The following AZIN2 variants were observed in gnomAD, a reference collection of about 807,000 sequenced individuals.
AZIN2 encodes the protein antizyme inhibitor 2.
Under a neutral mutation model 47.8 loss-of-function variants are expected in AZIN2, and 28 were observed. The ratio of observed to expected loss-of-function variants is 0.59; its 90% CI spans 0.43 to 0.80. The LOEUF is 0.80. Ranked by LOEUF, AZIN2 falls within the 30% of genes least tolerant of loss-of-function variation. The pLI is 0.00. For synonymous variants in AZIN2, 221 were observed against 239.4 expected, an observed-to-expected ratio of 0.92 and a Z score of 0.71; for missense variants, 535 against 582.5, an observed-to-expected ratio of 0.92 and a Z score of 0.84.
At chr1:33,099,946 C>T (rs1016227164) in intron 10 of AZIN2, among the ~76,000 whole-genome samples, 2 of 152,154 alleles carry the variant, frequency 1.3e-5, no homozygotes, top group South Asian at 2.1e-4. Flanking sequence ...AAGAAGGTCC[C>T]CTTACAAGTA....
At chr1:33,087,899 G>T (rs1017505922) in intron 5 of AZIN2, among the ~76,000 whole-genome samples, 1 of 152,118 alleles carries the variant, frequency 6.6e-6, no homozygotes, top group African/African-American at 2.4e-5. Context: ...CACATGTCTC[G>T]CTGTGAGACG....
rs533236928 is a variant in AZIN2 at position 33,093,294 on chromosome 1, C to T, written c.465C>T (p.Cys155=). Residue 155 remains cysteine (C), a synonymous_variant, in exon 7 of 12, where the codon TGC becomes TGT. Coordinates refer to ENST00000294517, the MANE Select transcript of AZIN2 (RefSeq NM_052998.4). ...KSHPSAKMVL[C]IATDDSHSLS... ...CGTGTCTCATCAGGATGGTTCTGTG[C>T]ATTGCTACCGATGACTCCCACTCCC... 30 of 1,613,996 alleles carry T rather than the reference C, an allele frequency of 1.9e-5. 1 individual carries two copies. In the East Asian group the frequency reaches 6.5e-4, roughly 35 times the overall value.
At chr1:33,082,536 C>G in intron 4 of AZIN2, 182 bp downstream of exon 4, 1 of 531,346 alleles carries the variant, frequency 1.9e-6, no homozygotes, top group South Asian at 2.3e-5. Context: ...ACCTGCCCCT[C>G]CTATGTTGCC....
the AZIN2 span, chr1:33,159,757 A>G: frequency 6.2e-7 from 1 of 1,613,512 alleles, no homozygotes. This position sits in a 1 kb window ranked among gnomAD's most constrained non-coding sequence, Gnocchi z 4.2. Context: ...CTCCTGCAGG[A>G]TCTGGGCTCC....
the AZIN2 span, chr1:33,147,322 A>T: frequency 6.2e-7 from 1 of 1,614,106 alleles, no homozygotes; most frequent in Admixed American, 1.7e-5. The surrounding 1 kb of genome is among the most constrained non-coding windows in gnomAD (Gnocchi z 8.1). Context: ...ATTGTAGAAG[A>T]TGAGCAAGCC....
chr1:33,126,185 G>A (rs111389878), downstream of AZIN2, among the ~76,000 whole-genome samples: 628 of 152,294 alleles, frequency 4.1e-3, 10 homozygotes, highest in African/African-American at 0.015. Context: ...CTAGAATACT[G>A]TCCTTCATGT....
chr1:33,165,427 C>T, the AZIN2 span: 1 of 1,523,386 alleles, frequency 6.6e-7, no homozygotes, highest in East Asian at 2.5e-5. This position sits in a 1 kb window ranked among gnomAD's most constrained non-coding sequence, Gnocchi z 4.0. Context: ...GAAGCCCTGC[C>T]CTCATCTCTG....
At chr1:33,096,344 G>T (rs370039575) in intron 8 of AZIN2, among the ~76,000 whole-genome samples, 4 of 152,126 alleles carry the variant, frequency 2.6e-5, no homozygotes, top group African/African-American at 9.7e-5. Context: ...GGACCCACAC[G>T]GTTCAAACCT....
At chr1:33,136,229 TTC>T in the AZIN2 span, among the ~76,000 whole-genome samples, 4 of 150,372 alleles carry the variant, frequency 2.7e-5, no homozygotes, top group African/African-American at 7.3e-5. Flanking sequence ...CCTCCTTTCT[TTC>T]TCTTTCTTTT....
downstream of AZIN2, among the ~76,000 whole-genome samples, chr1:33,126,736 T>G (rs1430015506): frequency 1.3e-5 from 2 of 152,172 alleles, no homozygotes; most frequent in Non-Finnish European, 2.9e-5. Context: ...CTTTCTGTTT[T>G]TCCACTCAGT....
At chr1:33,118,248 G>A (rs1414119924) in intron 11 of AZIN2, 132 bp downstream of exon 11, 26 of 1,038,072 alleles carry the variant, frequency 2.5e-5, no homozygotes, top group Non-Finnish European at 3.2e-5. Flanking sequence ...TCCCACGTGA[G>A]GGATGTGCTT....
the AZIN2 span, among the ~76,000 whole-genome samples, chr1:33,143,402 G>C: frequency 6.6e-5 from 10 of 152,314 alleles, no homozygotes; most frequent in Middle Eastern, 3.4e-3. Flanking sequence ...GATCCACTGA[G>C]CCAAAATGAG....
chr1:33,132,051 G>T, the AZIN2 span, among the ~76,000 whole-genome samples: 1 of 152,198 alleles, frequency 6.6e-6, no homozygotes, highest in Admixed American at 6.5e-5. Context: ...AATGTGACCG[G>T]GCTCCATTTT....
chr1:33,163,686 C>CGCCAGG, the AZIN2 span: 1 of 152,360 alleles, frequency 6.6e-6, no homozygotes, highest in Non-Finnish European at 1.5e-5. Context: ...TGCATCACCC[C>CGCCAGG]GCCAGGGCGC....
intron 9 of AZIN2, among the ~76,000 whole-genome samples, chr1:33,097,457 C>T (rs1413110410): frequency 1.3e-5 from 2 of 152,138 alleles, no homozygotes; most frequent in Non-Finnish European, 2.9e-5. Context: ...CTCTTCCCTC[C>T]CCTTCCAGAT....
At chr1:33,165,190 A>G in the AZIN2 span, 65 of 331,518 alleles carry the variant, frequency 2.0e-4, no homozygotes, top group African/African-American at 1.1e-3. The surrounding 1 kb of genome is among the most constrained non-coding windows in gnomAD (Gnocchi z 4.0). Context: ...ACCCGCCTCA[A>G]CTTCCACCCA....
At position 33,121,762 on chromosome 1, in the gene AZIN2, T is replaced by A. The variant is rs1644799823; in HGVS notation, c.*1580T>A. Among the ~76,000 whole-genome samples, 1 of 152,192 alleles carries A rather than the reference T, an allele frequency of 6.6e-6. No homozygotes were observed. Among genetic ancestry groups the A allele is most frequent in the South Asian group, 2.1e-4 (1 of 4,832 alleles). On this transcript the variant is annotated 3_prime_UTR_variant, in exon 12 of 12. Transcript: ENST00000294517. ...CTATGGATTTGCTTATTCTGGACAT[T>A]GTATTGTGATGGATTTTCTATCTTC...
intron 5 of AZIN2, among the ~76,000 whole-genome samples, chr1:33,090,392 C>T (rs1348922642): frequency 6.6e-6 from 1 of 152,094 alleles, no homozygotes; most frequent in African/African-American, 2.4e-5. Flanking sequence ...CAATCAGGTG[C>T]CCACAGGTTC....
the AZIN2 span, among the ~76,000 whole-genome samples, chr1:33,138,896 T>C: frequency 6.6e-6 from 1 of 152,114 alleles, no homozygotes; most frequent in Non-Finnish European, 1.5e-5. Context: ...GGGGAAAGGG[T>C]TGGGCTTCTA....
Sources: allele counts gnomAD v4.1 joint callset (sites outside exome capture counted in the v4.1 genomes callset), GRCh38; gene constraint gnomAD v4.1.1; non-coding constraint Gnocchi (gnomAD v3.1); transcripts MANE v1.5; gene names NCBI Gene and HGNC (gene_info 2026-07-23, HGNC 2026-07-21).